The following S100PBP variants were observed in gnomAD, a reference collection of about 807,000 sequenced individuals.
The protein encoded by S100PBP is S100P-binding protein.
S100PBP carries 15 observed loss-of-function variants against 39.9 expected under a neutral mutation model. The ratio of observed to expected loss-of-function variants is 0.38; its 90% CI spans 0.25 to 0.58. The LOEUF (loss-of-function observed/expected upper bound fraction) is 0.58. S100PBP is among the 20% of genes least tolerant of loss of function. The pLI is 0.70. For missense variants in S100PBP, 504 were observed against 487.3 expected, an observed-to-expected ratio of 1.03 and a Z score of -0.32; for synonymous variants, 178 against 180.3, an observed-to-expected ratio of 0.99 and a Z score of 0.10.
intron 4 of S100PBP, among the ~76,000 whole-genome samples, chr1:32,828,987 C>G (rs1173082120): frequency 6.6e-6 from 1 of 152,056 alleles, no homozygotes; most frequent in Non-Finnish European, 1.5e-5. Context: ...GGGAGACTGA[C>G]CTTGTATAAA....
Position 32,828,014 on chromosome 1 carries a change from T to C in S100PBP, c.853T>C (p.Ser285Pro), listed in dbSNP as rs1438911486. Residue 285 changes from serine (S) to proline (P), a missense_variant, in exon 4 of 7, where the codon TCT (serine) becomes CCT (proline). Physicochemically the swap from Ser to Pro is moderately conservative, Grantham distance 74. Transcript: ENST00000373475. The stretch of plus-strand genomic sequence containing the variant: ...AAAGCAGGATGTTCTTAACAAGGAT[T>C]CTGGGAAGATGAAAGGCCATGAGAG... ...SNKQDVLNKD[S>P]GKMKGHERRL... is the part of the protein sequence containing the mutation. 6.2e-7 allele frequency: 1 copy of C among 1,611,694 alleles called. No homozygotes were observed. Among genetic ancestry groups the C allele is most frequent in the Admixed American group, 1.7e-5 (1 of 59,950 alleles).
chr1:32,851,458 G>T (rs879329308), intron 5 of S100PBP, among the ~76,000 whole-genome samples: 3 of 152,102 alleles, frequency 2.0e-5, no homozygotes, highest in Non-Finnish European at 4.4e-5. Flanking sequence ...TTGAGGTCAG[G>T]AGTTCAAGAA....
chr1:32,851,837 C>T (rs1049848375), intron 5 of S100PBP, among the ~76,000 whole-genome samples: 2 of 152,208 alleles, frequency 1.3e-5, no homozygotes, highest in Non-Finnish European at 2.9e-5. Flanking sequence ...ATCTGTTTTA[C>T]AATACCTCCA....
intron 5 of S100PBP, among the ~76,000 whole-genome samples, chr1:32,833,071 A>G (rs1290913682): frequency 6.6e-6 from 1 of 152,132 alleles, no homozygotes; most frequent in Admixed American, 6.5e-5. Context: ...CTATGAAATT[A>G]TAAGTACTTA....
chr1:32,850,543 A>G (rs1048635906), intron 5 of S100PBP, among the ~76,000 whole-genome samples: 2 of 152,250 alleles, frequency 1.3e-5, no homozygotes, highest in African/African-American at 4.8e-5. Context: ...AAGGAGTGAC[A>G]GTAATGCCTT....
upstream of S100PBP, chr1:32,817,504 C>T (rs905903653): frequency 2.3e-5 from 14 of 599,480 alleles, no homozygotes; most frequent in Middle Eastern, 4.4e-4. Flanking sequence ...GGGGCTGAGG[C>T]GCCTGAGCGG....
chr1:32,824,822 CTATACATATA>C (rs938730883), intron 1 of S100PBP: 8 of 19,544 alleles, frequency 4.1e-4, no homozygotes, highest in African/African-American at 1.1e-3. Flanking sequence ...TGCATTTTTT[CTATACATATA>C]TATATATATA....
chr1:32,855,861 T>G, intron 6 of S100PBP, 63 bp from the exon 7 acceptor site: 5 of 980,884 alleles, frequency 5.1e-6, no homozygotes, highest in Non-Finnish European at 7.7e-6. Flanking sequence ...GGCCTTTTTT[T>G]GTGTACAAAT....
Position 32,828,028 on chromosome 1 carries a change from AG to A in S100PBP, c.869del (p.Gly290AlafsTer6). 6.2e-7 allele frequency: 1 copy of A among 1,611,636 alleles called. No individual in the cohort carries two copies. The highest frequency in any genetic ancestry group is 8.5e-7 in the Non-Finnish European group (1 of 1,178,266). On this transcript the variant is annotated frameshift_variant, in exon 4 of 7. Coordinates refer to ENST00000373475, the MANE Select transcript of S100PBP (RefSeq NM_022753.4). LOFTEE classifies it high-confidence loss of function. Reference sequence around the variant, plus strand: ...TTAACAAGGATTCTGGGAAGATGAAAGGCCATGAGAGAAGACTAGGCAAAGT... The same window carrying A: ...TTAACAAGGATTCTGGGAAGATGAAAGCCATGAGAGAAGACTAGGCAAAGT... ...VLNKDSGKMK[G>X]HERRLGKVIP...
At chr1:32,833,963 C>A in intron 5 of S100PBP, 1 of 213,088 alleles carries the variant, frequency 4.7e-6, no homozygotes, top group Non-Finnish European at 1.1e-5. Context: ...AGATTGTGTC[C>A]ATTTTCATTA....
intron 5 of S100PBP, among the ~76,000 whole-genome samples, chr1:32,838,230 A>C (rs1639922780): frequency 6.7e-6 from 1 of 149,970 alleles, no homozygotes; most frequent in Non-Finnish European, 1.5e-5. Flanking sequence ...GCTACTCGAG[A>C]GGCTGAGGCA....
At chr1:32,824,686 A>G (rs1313221152) in intron 1 of S100PBP, among the ~76,000 whole-genome samples, 1 of 151,154 alleles carries the variant, frequency 6.6e-6, no homozygotes, top group African/African-American at 2.4e-5. Context: ...CCTCAGCCCC[A>G]TGAGTAGCTG....
chr1:32,837,462 G>C lies in S100PBP; in HGVS notation c.1024+7395G>C, dbSNP rs372527688. Among the ~76,000 whole-genome samples, 551 of 145,124 alleles carry C rather than the reference G, an allele frequency of 3.8e-3. 1 individual carries two copies. Among genetic ancestry groups the C allele is most frequent in the African/African-American group, 0.013 (528 of 39,592 alleles). On this transcript the variant is annotated intron_variant, in intron 5 of 6. Transcript: ENST00000373475. ...TGCCTGTAATCCCAGCTACTCGGGA[G>C]GCTGAGGCAGGAGAATCACTTGAAC... is the stretch of plus-strand genomic sequence containing the variant.
chr1:32,851,439 G>A (rs1640602731), intron 5 of S100PBP, among the ~76,000 whole-genome samples: 2 of 152,154 alleles, frequency 1.3e-5, no homozygotes, highest in Non-Finnish European at 2.9e-5. Context: ...AGCAAGGTGG[G>A]TGGATCACTT....
intron 5 of S100PBP, among the ~76,000 whole-genome samples, chr1:32,837,519 C>T (rs1337329717): frequency 1.4e-5 from 2 of 143,726 alleles, no homozygotes; most frequent in African/African-American, 2.6e-5. Context: ...GAGCCGAGAT[C>T]GCGCCATTGC....
intron 5 of S100PBP, among the ~76,000 whole-genome samples, chr1:32,842,208 T>C (rs1163785804): frequency 2.6e-5 from 2 of 77,028 alleles, no homozygotes; most frequent in African/African-American, 5.5e-5. Flanking sequence ...AAAAAACATA[T>C]ATATATATAT....
chr1:32,823,940 T>C (rs1639201331), intron 1 of S100PBP, among the ~76,000 whole-genome samples: 4 of 152,228 alleles, frequency 2.6e-5, no homozygotes, highest in Admixed American at 2.6e-4. Context: ...GGCTCACGCC[T>C]ATAATCCCAG....
At chr1:32,823,773 CATTAA>C (rs1639190116) in intron 1 of S100PBP, among the ~76,000 whole-genome samples, 1 of 152,128 alleles carries the variant, frequency 6.6e-6, no homozygotes, top group Non-Finnish European at 1.5e-5. Context: ...CAAGATTATA[CATTAA>C]GATTATACAT....
At chr1:32,852,199 G>A (rs988808077) in intron 5 of S100PBP, among the ~76,000 whole-genome samples, 1 of 152,026 alleles carries the variant, frequency 6.6e-6, no homozygotes, top group Non-Finnish European at 1.5e-5. Context: ...TGTAGTCCCA[G>A]CTACCCAGGA....
Sources: allele counts gnomAD v4.1 joint callset (sites outside exome capture counted in the v4.1 genomes callset), GRCh38; gene constraint gnomAD v4.1.1; transcripts MANE v1.5; gene names NCBI Gene and HGNC (gene_info 2026-07-23, HGNC 2026-07-21).